Variants in SNX24 observed in about 807,000 individuals in gnomAD.
SNX24 encodes the protein sorting nexin 24.
SNX24 carries 22 observed loss-of-function variants against 28.7 expected under a neutral mutation model. The ratio of observed to expected loss-of-function variants is 0.77; its 90% CI spans 0.55 to 1.10. SNX24 has a LOEUF of 1.10. Among genes scored for constraint, SNX24 ranks in the 50% least tolerant of loss-of-function variants. SNX24 has a pLI of 0.00. For missense variants in SNX24, 221 were observed against 201.1 expected (o/e 1.10, Z -0.60); for synonymous variants, 69 against 71.5 (o/e 0.96, Z 0.18).
At chr5:123,010,667 CCATCT>C (rs747232782), downstream of SNX24, among the ~76,000 whole-genome samples, 4 of 152,026 alleles carry the variant, frequency 2.6e-5, no homozygotes, top group Non-Finnish European at 5.9e-5. Context: ...AATTTGTCTC[CCATCT>C]CATCTCCTAA....
intron 4 of SNX24, 69 bp from the exon 5 acceptor site, chr5:123,001,336 C>A: frequency 9.5e-7 from 1 of 1,047,772 alleles, no homozygotes; most frequent in South Asian, 1.4e-5. Flanking sequence ...GTATTTTTTC[C>A]TTTGTTGGCA....
chr5:122,906,835 G>T (rs952402490), intron 1 of SNX24, among the ~76,000 whole-genome samples: 1 of 152,172 alleles, frequency 6.6e-6, no homozygotes, highest in Admixed American at 6.5e-5. Flanking sequence ...CAGTTGAGAG[G>T]ACAGTGAGGC....
intron 5 of SNX24, among the ~76,000 whole-genome samples, chr5:123,018,899 C>A (rs918978919): frequency 6.6e-6 from 1 of 152,150 alleles, no homozygotes; most frequent in Non-Finnish European, 1.5e-5. Context: ...ATTGGCCAGG[C>A]TGGTCTCGAA....
rs1348757638 is a variant in SNX24, at chr5:122,946,097, G to A, written c.187G>A (p.Val63Ile). ...AACTCCAGAAATCCCTTCTAAACAT[G>A]TTAGGAACTGGGTCCCCAAAGTCTT... Reference protein sequence around the residue: ...IKTPEIPSKHVRNWVPKVLEQ... With the variant: ...IKTPEIPSKHIRNWVPKVLEQ... The change falls in exon 3 of 7, where the codon GTT becomes ATT. Residue 63 changes from valine (V) to isoleucine (I), a missense_variant. Coordinates refer to ENST00000261369, the MANE Select transcript of SNX24 (RefSeq NM_014035.4). 1 of 1,608,498 alleles carries A rather than the reference G, an allele frequency of 6.2e-7. No homozygotes were observed. The highest frequency in any genetic ancestry group is 1.7e-5 in the Admixed American group (1 of 59,672).
chr5:123,000,606 C>T (rs1273264873), intron 4 of SNX24, among the ~76,000 whole-genome samples: 1 of 152,146 alleles, frequency 6.6e-6, no homozygotes, highest in Non-Finnish European at 1.5e-5. Flanking sequence ...TTGGTCTAAA[C>T]CCATTGGTCC....
At chr5:122,903,792 T>C (rs1357142891) in intron 1 of SNX24, among the ~76,000 whole-genome samples, 1 of 152,206 alleles carries the variant, frequency 6.6e-6, no homozygotes, top group Non-Finnish European at 1.5e-5. Flanking sequence ...TTTTAAATTT[T>C]TATACTTTTG....
At chr5:122,991,348 C>T (rs1426271800) in intron 3 of SNX24, among the ~76,000 whole-genome samples, 1 of 151,978 alleles carries the variant, frequency 6.6e-6, no homozygotes, top group African/African-American at 2.4e-5. Context: ...TAATATGTGA[C>T]TTTAAAGTAA....
At chr5:122,997,004 G>T (rs1418394670) in intron 3 of SNX24, among the ~76,000 whole-genome samples, 2 of 152,154 alleles carry the variant, frequency 1.3e-5, no homozygotes, top group Non-Finnish European at 2.9e-5. Flanking sequence ...GTTGTAAATG[G>T]AACAGTTGTG....
chr5:123,002,611 G>A (rs892100654), intron 6 of SNX24, among the ~76,000 whole-genome samples: 1 of 152,134 alleles, frequency 6.6e-6, no homozygotes, highest in African/African-American at 2.4e-5. Context: ...CAGCCTGGGC[G>A]ACAGAGCGAG....
chr5:122,941,769 A>G (rs1364403180), intron 2 of SNX24, among the ~76,000 whole-genome samples: 2 of 152,346 alleles, frequency 1.3e-5, no homozygotes, highest in Non-Finnish European at 1.5e-5. Context: ...ATGCATATTT[A>G]TGAATTACTA....
At chr5:122,962,299 A>G (rs1411593181) in intron 3 of SNX24, among the ~76,000 whole-genome samples, 2 of 152,212 alleles carry the variant, frequency 1.3e-5, no homozygotes, top group African/African-American at 2.4e-5. Context: ...CATTATAACC[A>G]TGGAGAATTG....
intron 3 of SNX24, among the ~76,000 whole-genome samples, chr5:122,981,583 A>G (rs1319880538): frequency 6.6e-6 from 1 of 152,268 alleles, no homozygotes; most frequent in Admixed American, 6.5e-5. Flanking sequence ...TCATGCCCAT[A>G]GAATCTACTT....
intron 3 of SNX24, among the ~76,000 whole-genome samples, chr5:122,990,672 G>A (rs1350692004): frequency 6.6e-6 from 1 of 152,168 alleles, no homozygotes; most frequent in Non-Finnish European, 1.5e-5. Context: ...TGTCTGTAGG[G>A]AACATTTTAT....
chr5:122,951,449 A>T (rs879623129), intron 3 of SNX24, among the ~76,000 whole-genome samples: 1 of 152,160 alleles, frequency 6.6e-6, no homozygotes, highest in Non-Finnish European at 1.5e-5. Context: ...GTTATGAGCT[A>T]GACCATTAAG....
chr5:122,978,046 G>A (rs1242203540), intron 3 of SNX24, among the ~76,000 whole-genome samples: 1 of 152,034 alleles, frequency 6.6e-6, no homozygotes, highest in Non-Finnish European at 1.5e-5. Flanking sequence ...AGATATCCTG[G>A]TAAGACTTTT....
chr5:122,912,863 G>A (rs1272569368), intron 1 of SNX24, among the ~76,000 whole-genome samples: 3 of 151,882 alleles, frequency 2.0e-5, no homozygotes, highest in African/African-American at 7.3e-5. Flanking sequence ...GGTTTTCCTA[G>A]GCAGAGGACC....
intron 1 of SNX24, among the ~76,000 whole-genome samples, chr5:122,901,128 A>G (rs26369): frequency 0.72 from 108,687 of 151,064 alleles, 39,841 homozygotes; most frequent in East Asian, 0.99. Context: ...TTGAACCTGA[A>G]AGGTGGAGGT....
chr5:122,889,687 G>A (rs10155648), intron 1 of SNX24, among the ~76,000 whole-genome samples: 16 of 139,054 alleles, frequency 1.2e-4, no homozygotes, highest in Admixed American at 3.8e-4. Context: ...GTATATATAT[G>A]TATATGTATG....
chr5:123,018,461 G>A (rs532070781), intron 5 of SNX24, among the ~76,000 whole-genome samples: 30 of 152,188 alleles, frequency 2.0e-4, no homozygotes, highest in Middle Eastern at 3.4e-3. Flanking sequence ...TTACCACCTC[G>A]GACAAATGGC....
Sources: allele counts gnomAD v4.1 joint callset (sites outside exome capture counted in the v4.1 genomes callset), GRCh38; gene constraint gnomAD v4.1.1; transcripts MANE v1.5; gene names NCBI Gene and HGNC (gene_info 2026-07-23, HGNC 2026-07-21).